C4orf51: variants seen among roughly 807,000 people sequenced by gnomAD.
C4orf51 encodes the protein uncharacterized protein C4orf51.
A neutral mutation model predicts 25.2 loss-of-function variants in C4orf51; 25 were observed. The ratio of observed to expected loss-of-function variants is 0.99; its 90% CI spans 0.72 to 1.39. The LOEUF (loss-of-function observed/expected upper bound fraction) is 1.39, where lower values mean the gene tolerates loss of function less well. C4orf51 is among the 40% of genes most tolerant of loss of function. The pLI is 0.00. For missense variants in C4orf51, 252 were observed against 239.6 expected (o/e 1.05, Z -0.34); for synonymous variants, 100 against 84.5 (o/e 1.18, Z -1.01).
intron 2 of C4orf51, among the ~76,000 whole-genome samples, chr4:145,702,141 A>G (rs1026313198): frequency 2.6e-5 from 4 of 152,132 alleles, no homozygotes; most frequent in African/African-American, 9.7e-5. Context: ...GCTACAGCAT[A>G]GGCTTCTAAA....
At chr4:145,712,407 C>T (rs556691244) in intron 2 of C4orf51, among the ~76,000 whole-genome samples, 85 of 152,280 alleles carry the variant, frequency 5.6e-4, no homozygotes, top group African/African-American at 2.0e-3. Flanking sequence ...CTCCAGTGAA[C>T]GCACAAATGA....
intron 1 of C4orf51, among the ~76,000 whole-genome samples, chr4:145,688,094 G>A (rs1019030680): frequency 2.0e-5 from 3 of 151,396 alleles, no homozygotes; most frequent in African/African-American, 4.9e-5. Context: ...CCAGCTACTC[G>A]GGAGGCTGAG....
intron 1 of C4orf51, among the ~76,000 whole-genome samples, chr4:145,692,767 A>G (rs1729669363): frequency 6.6e-6 from 1 of 152,108 alleles, no homozygotes; most frequent in African/African-American, 2.4e-5. Context: ...AATTACTACC[A>G]TGTGTTGAAC....
rs143295157 is a variant in C4orf51 at position 145,761,228 on chromosome 4, A to T, written n.167-9760A>T. 2.9e-4 allele frequency: 377 copies of T among 1,289,808 alleles called. 2 individuals are homozygous for T. In the African/African-American group the frequency reaches 4.9e-3, roughly 17 times the overall value. 79.9% of individuals were successfully genotyped at this position (1,289,808 alleles called of 1,614,324 possible). Reference sequence around the variant, plus strand: ...TTCTTGACGTGGCGGCTGAAGACGAAAGGGTGTGTGGTCTTGAACAGGCAC... The same window carrying T: ...TTCTTGACGTGGCGGCTGAAGACGATAGGGTGTGTGGTCTTGAACAGGCAC... On this transcript the variant is annotated intron_variant and non_coding_transcript_variant, in intron 1 of 1. Transcript: ENST00000510096. This position sits in a 1 kb window ranked among gnomAD's most constrained non-coding sequence, Gnocchi z 6.8.
chr4:145,680,494 C>T (rs1380656077), intron 1 of C4orf51, 58 bp downstream of exon 1: 4 of 1,303,398 alleles, frequency 3.1e-6, no homozygotes. Context: ...CAAGAGTGCT[C>T]TTAGAAGAAA....
At chr4:145,752,670 C>T (rs974613430) in intron 1 of C4orf51, among the ~76,000 whole-genome samples, 2 of 152,096 alleles carry the variant, frequency 1.3e-5, no homozygotes, top group African/African-American at 4.8e-5. Context: ...CTCAGTAGGT[C>T]GTATACCCTC....
intron 2 of C4orf51, among the ~76,000 whole-genome samples, chr4:145,706,445 A>C (rs1230429434): frequency 6.6e-6 from 1 of 152,158 alleles, no homozygotes; most frequent in Admixed American, 6.5e-5. Context: ...ACCTGTTATA[A>C]AGTGATATTC....
chr4:145,780,008 T>C, the C4orf51 span, among the ~76,000 whole-genome samples: 7 of 152,140 alleles, frequency 4.6e-5, no homozygotes. Flanking sequence ...CTGGCCAACA[T>C]GGTGAAACCT....
At chr4:145,722,568 C>T (rs905035305) in intron 2 of C4orf51, among the ~76,000 whole-genome samples, 2 of 152,136 alleles carry the variant, frequency 1.3e-5, no homozygotes, top group Admixed American at 6.5e-5. Context: ...CTAATCTATC[C>T]CAATGGTTAA....
chr4:145,783,450 G>T, the C4orf51 span, among the ~76,000 whole-genome samples: 8 of 152,194 alleles, frequency 5.3e-5, no homozygotes, highest in African/African-American at 1.7e-4. Context: ...TAGTGGAAAT[G>T]TTTGCAGTCC....
intron 2 of C4orf51, among the ~76,000 whole-genome samples, chr4:145,710,600 A>G (rs1212980506): frequency 3.3e-5 from 5 of 152,178 alleles, no homozygotes; most frequent in Admixed American, 2.0e-4. Context: ...TTGCCTCTTA[A>G]TGTGCACACT....
downstream of C4orf51, chr4:145,775,821 G>A (rs759700908): frequency 1.2e-6 from 2 of 1,614,162 alleles, no homozygotes; most frequent in Admixed American, 1.7e-5. Flanking sequence ...TCCCATCACT[G>A]CCTTCAGAGG....
the C4orf51 span, chr4:145,779,312 G>A: frequency 2.5e-5 from 39 of 1,558,446 alleles, no homozygotes; most frequent in Non-Finnish European, 3.1e-5. Flanking sequence ...CTCAGTTTCC[G>A]GAGAGTAAAG....
At chr4:145,737,052 C>T (rs888047157), downstream of C4orf51, among the ~76,000 whole-genome samples, 1 of 152,020 alleles carries the variant, frequency 6.6e-6, no homozygotes, top group African/African-American at 2.4e-5. Context: ...CTCCATTCAT[C>T]TCCTTATCTA....
intron 1 of C4orf51, among the ~76,000 whole-genome samples, chr4:145,766,973 CAA>C (rs1338188171): frequency 1.3e-5 from 2 of 152,040 alleles, no homozygotes; most frequent in Non-Finnish European, 2.9e-5. Flanking sequence ...AAACAAAGGT[CAA>C]GAGTATGTAT....
intron 1 of C4orf51, 113 bp downstream of exon 1, chr4:145,680,549 G>A (rs7682360): frequency 0.27 from 201,174 of 734,360 alleles, 29,401 homozygotes; most frequent in Middle Eastern, 0.35. Flanking sequence ...TTAACCCTCT[G>A]TATTTTCTTT....
At chr4:145,731,313 G>A (rs1340075003) in intron 5 of C4orf51, among the ~76,000 whole-genome samples, 1 of 152,124 alleles carries the variant, frequency 6.6e-6, no homozygotes, top group Middle Eastern at 3.2e-3. Flanking sequence ...TCTGTAAGGT[G>A]CTTCCCCAAC....
At chr4:145,748,644 C>T (rs1015586872) in intron 1 of C4orf51, among the ~76,000 whole-genome samples, 4 of 152,078 alleles carry the variant, frequency 2.6e-5, no homozygotes, top group Non-Finnish European at 5.9e-5. Context: ...ACGCACCGAC[C>T]ATTCAGAAAC....
chr4:145,695,068 A>G (rs540864432), intron 1 of C4orf51, among the ~76,000 whole-genome samples: 11 of 152,202 alleles, frequency 7.2e-5, no homozygotes, highest in Non-Finnish European at 1.3e-4. Context: ...CCAAATAAAA[A>G]GATGAATGAT....
Sources: allele counts gnomAD v4.1 joint callset (sites outside exome capture counted in the v4.1 genomes callset), GRCh38; gene constraint gnomAD v4.1.1; non-coding constraint Gnocchi (gnomAD v3.1); transcripts MANE v1.5; gene names NCBI Gene and HGNC (gene_info 2026-07-23, HGNC 2026-07-21).